The following GRIK2 variants were observed in gnomAD, a reference collection of about 807,000 sequenced individuals.
The protein encoded by GRIK2 is glutamate receptor ionotropic, kainate 2.
In GRIK2, 32 loss-of-function variants were observed where a neutral mutation model predicts 100.3. That is an observed-to-expected ratio of 0.32 (90% CI 0.24 to 0.43). The LOEUF (loss-of-function observed/expected upper bound fraction) is 0.43. Among genes scored for constraint, GRIK2 ranks in the 20% least tolerant of loss-of-function variants. The probability of loss-of-function intolerance (pLI) is 1.00; values close to 1 mark genes in which losing one functional copy is unlikely to be tolerated. For synonymous variants in GRIK2, 417 were observed against 389.4 expected, an observed-to-expected ratio of 1.07 and a Z score of -0.83; for missense variants, 843 against 1,114.9, an observed-to-expected ratio of 0.76 and a Z score of 3.47.
intron 15 of GRIK2, among the ~76,000 whole-genome samples, chr6:102,044,584 C>T (rs958610402): frequency 2.0e-5 from 3 of 151,886 alleles, no homozygotes; most frequent in African/African-American, 7.2e-5. Flanking sequence ...TTATTCACTA[C>T]CACGAGAACA....
chr6:101,522,031 T>G (rs1774904408), intron 2 of GRIK2, among the ~76,000 whole-genome samples: 1 of 152,140 alleles, frequency 6.6e-6, no homozygotes, highest in African/African-American at 2.4e-5. Context: ...TGGAGATACT[T>G]TCTCCTTAAG....
chr6:101,573,498 G>A (rs1357590922), intron 2 of GRIK2, among the ~76,000 whole-genome samples: 1 of 152,112 alleles, frequency 6.6e-6, no homozygotes, highest in Admixed American at 6.6e-5. Flanking sequence ...TAATACTCAC[G>A]TTGTTTCATA....
chr6:101,557,620 T>A (rs1776809730), intron 2 of GRIK2, among the ~76,000 whole-genome samples: 1 of 152,182 alleles, frequency 6.6e-6, no homozygotes, highest in Non-Finnish European at 1.5e-5. Context: ...CTTTTCTAAC[T>A]CCTACTCATG....
At chr6:101,447,172 G>A (rs1770428820) in intron 2 of GRIK2, among the ~76,000 whole-genome samples, 1 of 151,224 alleles carries the variant, frequency 6.6e-6, no homozygotes. Flanking sequence ...TCATTGCAGT[G>A]GGAAAAGGCC....
chr6:101,968,766 A>AT (rs1203808979), intron 14 of GRIK2, among the ~76,000 whole-genome samples: 1 of 151,600 alleles, frequency 6.6e-6, no homozygotes, highest in Non-Finnish European at 1.5e-5. Context: ...GAGGGGAAAA[A>AT]ATCACTGTGG....
At chr6:101,814,826 G>T (rs141021499) in intron 9 of GRIK2, among the ~76,000 whole-genome samples, 1 of 152,196 alleles carries the variant, frequency 6.6e-6, no homozygotes, top group African/African-American at 2.4e-5. Context: ...TATAATTATG[G>T]ATTTGATTAT....
At chr6:101,541,376 C>CACACACA (rs775232963) in intron 2 of GRIK2, among the ~76,000 whole-genome samples, 13 of 5,602 alleles carry the variant, frequency 2.3e-3, no homozygotes, top group South Asian at 0.017. Flanking sequence ...GCGCACACAA[C>CACACACA]CACACACACA....
intron 10 of GRIK2, among the ~76,000 whole-genome samples, chr6:101,838,604 A>T (rs928405490): frequency 1.3e-5 from 2 of 152,046 alleles, no homozygotes; most frequent in African/African-American, 4.8e-5. Context: ...TATTTTAAAC[A>T]TAATTCATTA....
At chr6:101,965,157 CA>C in intron 14 of GRIK2, among the ~76,000 whole-genome samples, 2 of 152,106 alleles carry the variant, frequency 1.3e-5, no homozygotes, top group Non-Finnish European at 2.9e-5. Context: ...AAATGAACAC[CA>C]AGGCAACATA....
intron 2 of GRIK2, among the ~76,000 whole-genome samples, chr6:101,405,877 G>A (rs1439317843): frequency 6.6e-6 from 1 of 152,094 alleles, no homozygotes; most frequent in Non-Finnish European, 1.5e-5. Context: ...CCAAATTTTT[G>A]TATAAAAATC....
intron 14 of GRIK2, among the ~76,000 whole-genome samples, chr6:102,015,903 C>T (rs73500535): frequency 0.11 from 16,657 of 152,138 alleles, 2,544 homozygotes; most frequent in African/African-American, 0.34. Context: ...TGAGCCTTGG[C>T]ACCCTTAAAT....
chr6:101,958,285 G>GT (rs1792072483), intron 14 of GRIK2, among the ~76,000 whole-genome samples: 4 of 151,162 alleles, frequency 2.6e-5, no homozygotes, highest in African/African-American at 9.7e-5. Context: ...GTGTGTGTGG[G>GT]TCCATTGCAA....
At chr6:101,858,528 A>C (rs112898612) in intron 10 of GRIK2, among the ~76,000 whole-genome samples, 16,424 of 150,394 alleles carry the variant, frequency 0.11, 2,476 homozygotes, top group African/African-American at 0.35. Context: ...CTGGGACTAC[A>C]GGCGCCCGCC....
At position 101,733,926 on chromosome 6, in the gene GRIK2, T is replaced by C. The variant is rs145404792; in HGVS notation, c.951+47573T>C. ...ATTTCCTCCAGTTTCTGATATGTCC[T>C]CATTTCCATCTGACACATCACCAGA... is the stretch of plus-strand genomic sequence containing the variant. On this transcript the variant is annotated intron_variant, in intron 7 of 16. Transcript: ENST00000369134. 3.3e-3 allele frequency among the ~76,000 whole-genome samples: 509 copies of C among 152,236 alleles called. 4 individuals carry two copies. Among genetic ancestry groups the C allele is most frequent in the African/African-American group, 0.01 (434 of 41,538 alleles).
intron 2 of GRIK2, among the ~76,000 whole-genome samples, chr6:101,510,530 T>G (rs971025306): frequency 2.8e-5 from 4 of 142,904 alleles, no homozygotes; most frequent in Admixed American, 7.0e-5. Flanking sequence ...TTTTTTTTTT[T>G]TTTTTTTTTT....
chr6:101,579,009 G>A (rs1777920338), intron 2 of GRIK2, among the ~76,000 whole-genome samples: 1 of 152,128 alleles, frequency 6.6e-6, no homozygotes, highest in South Asian at 2.1e-4. Context: ...TCTGTAAAAT[G>A]TAACAGAAGT....
chr6:101,828,895 T>C (rs1782501491), intron 10 of GRIK2, among the ~76,000 whole-genome samples: 1 of 152,002 alleles, frequency 6.6e-6, no homozygotes, highest in South Asian at 2.1e-4. Context: ...GTGGAAGGAC[T>C]CTTCCCTAAC....
intron 12 of GRIK2, among the ~76,000 whole-genome samples, chr6:101,898,248 A>G (rs1787606422): frequency 6.6e-6 from 1 of 151,862 alleles, no homozygotes; most frequent in African/African-American, 2.4e-5. Flanking sequence ...ACTTATTATG[A>G]AGAAGAATGT....
At chr6:101,913,283 G>T (rs1423966564) in intron 12 of GRIK2, among the ~76,000 whole-genome samples, 1 of 151,550 alleles carries the variant, frequency 6.6e-6, no homozygotes, top group East Asian at 1.9e-4. Context: ...AGGAACTCCT[G>T]TGTGCAATTT....
Sources: gnomAD v4.1 joint callset for allele counts (sites outside exome capture counted in the v4.1 genomes callset) on GRCh38, gnomAD v4.1.1 for gene constraint, MANE v1.5 for transcripts, NCBI Gene and HGNC (gene_info 2026-07-23, HGNC 2026-07-21) for gene names.